The following PARVB variants were observed in gnomAD, a reference collection of about 807,000 sequenced individuals.
The protein encoded by PARVB is beta-parvin.
Under a neutral mutation model 47.0 loss-of-function variants are expected in PARVB, and 46 were observed. The ratio of observed to expected loss-of-function variants is 0.98; its 90% confidence interval spans 0.77 to 1.25. The LOEUF (loss-of-function observed/expected upper bound fraction) is 1.25. PARVB is among the 50% of genes most tolerant of loss of function. The probability of loss-of-function intolerance (pLI) is 0.00; values close to 1 mark genes in which losing one functional copy is unlikely to be tolerated. For missense variants in PARVB, 473 were observed against 471.6 expected (o/e 1.00, Z -0.03); for synonymous variants, 196 against 196.3 (o/e 1.00, Z 0.01).
At chr22:44,000,165 T>G (rs148050861) in intron 2 of PARVB, among the ~76,000 whole-genome samples, 2 of 152,360 alleles carry the variant, frequency 1.3e-5, no homozygotes, top group East Asian at 3.9e-4. Flanking sequence ...GATTCCACTC[T>G]TAGTGGATGC....
At chr22:44,122,560 G>GAC (rs1213974262) in intron 4 of PARVB, among the ~76,000 whole-genome samples, 45 of 74,458 alleles carry the variant, frequency 6.0e-4, no homozygotes, top group Non-Finnish European at 1.0e-3. Flanking sequence ...GAGACACAGA[G>GAC]ACAGAGAGAG....
chr22:44,122,534 G>C lies in PARVB; in HGVS notation c.376+3394G>C, dbSNP rs899195385. ...AGAGAGAGAGACAGAGAGACAGAGAGAGAGAGAGAGAGAGAGAGACACAGA... is the reference window on the plus strand; with the variant it reads ...AGAGAGAGAGACAGAGAGACAGAGACAGAGAGAGAGAGAGAGAGACACAGA... On this transcript the variant is annotated intron_variant, in intron 4 of 12. Transcript: ENST00000338758. Among the ~76,000 whole-genome samples the C allele has an allele frequency of 8.5e-3, 820 of 96,720 alleles. 25 individuals carry two copies. Among genetic ancestry groups the C allele is most frequent in the East Asian group, 0.035 (112 of 3,198 alleles). 63.5% of individuals were successfully genotyped at this position (96,720 alleles called of 152,430 possible).
intron 1 of PARVB, among the ~76,000 whole-genome samples, chr22:44,079,293 C>G (rs1191079682): frequency 6.6e-6 from 1 of 152,160 alleles, no homozygotes; most frequent in African/African-American, 2.4e-5. Flanking sequence ...AGTGCACCAT[C>G]CTTGTGTTTG....
intron 1 of PARVB, among the ~76,000 whole-genome samples, chr22:44,044,025 G>A (rs1464610138): frequency 6.6e-6 from 1 of 152,078 alleles, no homozygotes; most frequent in Non-Finnish European, 1.5e-5. Context: ...TTTTGAGATA[G>A]GTATGATAAT....
At chr22:44,016,343 G>A (rs549594848) in intron 2 of PARVB, among the ~76,000 whole-genome samples, 138 of 152,104 alleles carry the variant, frequency 9.1e-4, no homozygotes, top group Middle Eastern at 6.8e-3. Flanking sequence ...TGATCCGCCC[G>A]CCTCAGCCTC....
chr22:44,109,810 A>C (rs2052650236), intron 3 of PARVB: 1 of 152,056 alleles, frequency 6.6e-6, no homozygotes, highest in African/African-American at 2.4e-5. Context: ...AGCTCTGAGC[A>C]AGGCAGCCTC....
At chr22:44,101,135 C>T (rs998646708) in intron 3 of PARVB, among the ~76,000 whole-genome samples, 1 of 152,196 alleles carries the variant, frequency 6.6e-6, no homozygotes, top group African/African-American at 2.4e-5. Flanking sequence ...TGAGGCTGGG[C>T]GCGGTGGCTC....
At chr22:44,143,712 C>T (rs566496373) in intron 8 of PARVB, 2 of 152,472 alleles carry the variant, frequency 1.3e-5, no homozygotes, top group East Asian at 1.9e-4. Flanking sequence ...GGTGAGGAGG[C>T]TTCTCTCCAC....
intron 4 of PARVB, among the ~76,000 whole-genome samples, chr22:44,119,625 ATGCATGGTTTGATG>A (rs959759401): frequency 6.6e-6 from 1 of 152,164 alleles, no homozygotes; most frequent in African/African-American, 2.4e-5. Context: ...GGACTGACTG[ATGCATGGTTTGATG>A]TGCAGACAAA....
At chr22:44,116,218 T>C (rs2052897901) in intron 3 of PARVB, 1 of 152,270 alleles carries the variant, frequency 6.6e-6, no homozygotes, top group African/African-American at 2.4e-5. Flanking sequence ...TTGGGGTTTG[T>C]CTGATGCTTT....
chr22:44,140,340 G>T, intron 8 of PARVB, 197 bp downstream of exon 8: 1 of 715,476 alleles, frequency 1.4e-6, no homozygotes, highest in South Asian at 1.5e-5. Flanking sequence ...TCAGAGCTGA[G>T]AGTGGCTGGG....
chr22:44,041,593 A>C (rs1426170123), intron 1 of PARVB, among the ~76,000 whole-genome samples: 3 of 152,112 alleles, frequency 2.0e-5, no homozygotes, highest in African/African-American at 7.2e-5. Flanking sequence ...ACATAATAAA[A>C]GCCCTACAGG....
chr22:44,008,469 G>A (rs1282219198), intron 2 of PARVB, among the ~76,000 whole-genome samples: 2 of 152,144 alleles, frequency 1.3e-5, no homozygotes, highest in African/African-American at 2.4e-5. Flanking sequence ...TGCAAGGAAA[G>A]CATGCTTCTG....
intron 12 of PARVB, 74 bp from the exon 13 acceptor site, chr22:44,168,528 G>T (rs1402144168): frequency 7.2e-6 from 7 of 974,178 alleles, no homozygotes; most frequent in South Asian, 1.3e-5. Context: ...TGCTGGAGAC[G>T]TGGCTTCTGA....
chr22:44,133,595 A>G (rs1009123419), intron 6 of PARVB, among the ~76,000 whole-genome samples: 2 of 152,174 alleles, frequency 1.3e-5, no homozygotes, highest in Non-Finnish European at 2.9e-5. Context: ...CTGGAGTACC[A>G]TGGTGCAGTC....
At chr22:44,143,769 T>C (rs2053605992) in intron 8 of PARVB, 1 of 152,502 alleles carries the variant, frequency 6.6e-6, no homozygotes, top group African/African-American at 2.4e-5. Context: ...CTGGTCTCCA[T>C]GGCAATGGGT....
Position 44,119,144 on chromosome 22 carries a change from A to G in PARVB, c.376+4A>G. 1 of 1,599,400 alleles carries G rather than the reference A, an allele frequency of 6.3e-7. No individual in the cohort carries two copies. Among genetic ancestry groups the G allele is most frequent in the African/African-American group, 1.3e-5 (1 of 74,700 alleles). ...CAGGTGCTGCAGAAGCTCTTGGGTG[A>G]GTTCACAGCAGGGACAGCTCTGTCC... On this transcript the variant is annotated splice_donor_region_variant and intron_variant, in intron 4 of 12. Transcript: ENST00000338758.
chr22:44,159,125 G>T (rs2053998183), intron 11 of PARVB, among the ~76,000 whole-genome samples: 1 of 152,188 alleles, frequency 6.6e-6, no homozygotes, highest in Admixed American at 6.5e-5. Context: ...GAATTGTGCA[G>T]AACTCACCAG....
intron 1 of PARVB, among the ~76,000 whole-genome samples, chr22:44,082,246 C>T (rs747571198): frequency 8.5e-5 from 13 of 152,118 alleles, no homozygotes; most frequent in South Asian, 4.2e-4. Context: ...TGGCCAGGTG[C>T]GGTGGTTCGT....
Sources: gnomAD v4.1 joint callset for allele counts (sites outside exome capture counted in the v4.1 genomes callset) on GRCh38, gnomAD v4.1.1 for gene constraint, MANE v1.5 for transcripts, NCBI Gene and HGNC (gene_info 2026-07-23, HGNC 2026-07-21) for gene names.